The following ATRNL1 variants were observed in gnomAD, a reference collection of about 807,000 sequenced individuals.
ATRNL1 encodes the protein attractin like 1.
ATRNL1 carries 95 observed loss-of-function variants against 182.7 expected under a neutral mutation model. That is an observed-to-expected ratio of 0.52 (90% CI 0.44 to 0.62). The LOEUF is 0.62. Ranked by LOEUF, ATRNL1 falls within the 20% of genes least tolerant of loss-of-function variation. The pLI, the probability that ATRNL1 is intolerant of heterozygous loss-of-function variation, is 0.00. For synonymous variants in ATRNL1, 576 were observed against 568.3 expected (o/e 1.01, Z -0.19); for missense variants, 1,471 against 1,679.5 (o/e 0.88, Z 2.17).
chr10:115,593,743 T>G (rs1856057419), intron 26 of ATRNL1, among the ~76,000 whole-genome samples: 1 of 152,214 alleles, frequency 6.6e-6, no homozygotes, highest in Non-Finnish European at 1.5e-5. Context: ...AAAATTTGCA[T>G]TGAAACAAAA....
intron 13 of ATRNL1, among the ~76,000 whole-genome samples, chr10:115,279,692 T>C (rs1457764320): frequency 6.6e-6 from 1 of 152,232 alleles, no homozygotes; most frequent in Non-Finnish European, 1.5e-5. Context: ...AAAAGATGCC[T>C]GTTTAGGGAT....
At chr10:115,714,396 CCCAGGTA>C (rs1947183652) in intron 26 of ATRNL1, among the ~76,000 whole-genome samples, 2 of 151,996 alleles carry the variant, frequency 1.3e-5, no homozygotes, top group African/African-American at 2.4e-5. Flanking sequence ...CCAATTGACT[CCCAGGTA>C]CCACCCTAGA....
intron 1 of ATRNL1, among the ~76,000 whole-genome samples, chr10:115,114,354 A>T (rs1435669148): frequency 6.6e-6 from 1 of 152,224 alleles, no homozygotes; most frequent in Non-Finnish European, 1.5e-5. Context: ...GACTTCTTGC[A>T]TGATTCCAAA....
chr10:115,681,067 A>G (rs1946031250), intron 26 of ATRNL1, among the ~76,000 whole-genome samples: 1 of 152,118 alleles, frequency 6.6e-6, no homozygotes, highest in Non-Finnish European at 1.5e-5. Flanking sequence ...AACTATCAAA[A>G]TTTACATTAC....
intron 19 of ATRNL1, among the ~76,000 whole-genome samples, chr10:115,372,421 C>G (rs2134201672): frequency 1.3e-5 from 2 of 152,182 alleles, no homozygotes; most frequent in Non-Finnish European, 2.9e-5. Context: ...CTTTAATTAT[C>G]TGTGCTTTTG....
At chr10:115,500,294 G>GA (rs1319687067) in intron 24 of ATRNL1, among the ~76,000 whole-genome samples, 1 of 152,118 alleles carries the variant, frequency 6.6e-6, no homozygotes, top group Non-Finnish European at 1.5e-5. Context: ...GAAATATGGG[G>GA]AAAAAATAAG....
At chr10:115,204,694 T>G (rs2144335337) in intron 8 of ATRNL1, among the ~76,000 whole-genome samples, 1 of 152,224 alleles carries the variant, frequency 6.6e-6, no homozygotes, top group Non-Finnish European at 1.5e-5. Flanking sequence ...TTGCTAGTGT[T>G]TTGTTGAATA....
intron 20 of ATRNL1, among the ~76,000 whole-genome samples, chr10:115,412,374 G>A (rs1554960105): frequency 6.6e-6 from 1 of 152,180 alleles, no homozygotes; most frequent in Non-Finnish European, 1.5e-5. Context: ...CAGGATTACA[G>A]TGGACCCTAG....
intron 24 of ATRNL1, among the ~76,000 whole-genome samples, chr10:115,498,645 G>T (rs1307034922): frequency 2.6e-5 from 4 of 151,498 alleles, no homozygotes; most frequent in African/African-American, 9.7e-5. Context: ...TTAAAAATTA[G>T]ATACTTTCTA....
chr10:115,750,197 A>G (rs1233705022), intron 27 of ATRNL1, among the ~76,000 whole-genome samples: 1 of 151,982 alleles, frequency 6.6e-6, no homozygotes. Flanking sequence ...TTTAATTTCA[A>G]TTACAGACAC....
intron 26 of ATRNL1, among the ~76,000 whole-genome samples, chr10:115,704,062 TAAAAG>T (rs1309434731): frequency 1.3e-5 from 2 of 151,954 alleles, no homozygotes; most frequent in East Asian, 1.9e-4. Context: ...AGTTTTCACT[TAAAAG>T]GAAGAAAATT....
At chr10:115,757,819 T>A (rs1555072438) in intron 27 of ATRNL1, among the ~76,000 whole-genome samples, 1 of 152,064 alleles carries the variant, frequency 6.6e-6, no homozygotes, top group African/African-American at 2.4e-5. Context: ...ATTTGGTCCT[T>A]TTCACATAGT....
At chr10:115,699,514 T>A (rs2133991185) in intron 26 of ATRNL1, among the ~76,000 whole-genome samples, 1 of 152,244 alleles carries the variant, frequency 6.6e-6, no homozygotes, top group African/African-American at 2.4e-5. Flanking sequence ...AAAAACTTGA[T>A]ATGTGTCACT....
intron 24 of ATRNL1, among the ~76,000 whole-genome samples, chr10:115,516,465 C>A (rs1052994776): frequency 1.3e-5 from 2 of 151,778 alleles, no homozygotes; most frequent in African/African-American, 2.4e-5. Context: ...CTAGAAAAAT[C>A]AAATATCCTC....
intron 24 of ATRNL1, among the ~76,000 whole-genome samples, chr10:115,516,145 A>G (rs1038687156): frequency 6.6e-6 from 1 of 151,840 alleles, no homozygotes; most frequent in Non-Finnish European, 1.5e-5. Context: ...TGAACATTTA[A>G]TAGGTATTTC....
At chr10:115,411,814 T>A (rs1239092983) in intron 20 of ATRNL1, among the ~76,000 whole-genome samples, 3 of 152,190 alleles carry the variant, frequency 2.0e-5, no homozygotes, top group Non-Finnish European at 4.4e-5. Flanking sequence ...TTTGCTTTTT[T>A]ATTATGTGAA....
At chr10:115,576,146 AC>A (rs1555005130) in intron 26 of ATRNL1, among the ~76,000 whole-genome samples, 1 of 152,028 alleles carries the variant, frequency 6.6e-6, no homozygotes, top group Non-Finnish European at 1.5e-5. Flanking sequence ...GTTGATGGAC[AC>A]CTGAGTTGTT....
chr10:115,804,075 A>G (rs1473264061), intron 27 of ATRNL1, among the ~76,000 whole-genome samples: 1 of 152,304 alleles, frequency 6.6e-6, no homozygotes, highest in East Asian at 1.9e-4. Context: ...AGTAACTGTT[A>G]TCATTACTTC....
intron 24 of ATRNL1, among the ~76,000 whole-genome samples, chr10:115,501,412 C>G (rs1849830319): frequency 1.3e-5 from 2 of 152,088 alleles, no homozygotes; most frequent in South Asian, 4.1e-4. Context: ...GGACTGTAGA[C>G]AAGGTATAAG....
Sources: gnomAD v4.1 joint callset for allele counts (sites outside exome capture counted in the v4.1 genomes callset) on GRCh38, gnomAD v4.1.1 for gene constraint, MANE v1.5 for transcripts, NCBI Gene and HGNC (gene_info 2026-07-23, HGNC 2026-07-21) for gene names.